KDM4B: variants seen among roughly 807,000 people sequenced by gnomAD.
The protein encoded by KDM4B is lysine-specific demethylase 4B.
A neutral mutation model predicts 125.2 loss-of-function variants in KDM4B; 32 were observed. That is an observed-to-expected ratio of 0.26 (90% confidence interval 0.19 to 0.34). The LOEUF is 0.34. Among genes scored for constraint, KDM4B ranks in the 10% least tolerant of loss-of-function variants. The pLI is 1.00. For missense variants in KDM4B, 1,190 were observed against 1,577.7 expected (o/e 0.75, Z 4.16); for synonymous variants, 721 against 677.9 (o/e 1.06, Z -0.99).
In KDM4B at chr19:5,142,325, G is replaced by A. The variant is rs762805272; in HGVS notation, c.2551-1642G>A. Among the ~76,000 whole-genome samples the A allele has an allele frequency of 3.0e-4, 46 of 152,286 alleles. No homozygotes were observed. Among genetic ancestry groups the A allele is most frequent in the Middle Eastern group, 3.4e-3 (1 of 294 alleles). On this transcript the variant is annotated intron_variant, in intron 18 of 22. Coordinates refer to ENST00000159111, the MANE Select transcript of KDM4B (RefSeq NM_015015.3). The surrounding 1 kb of genome is among the most constrained non-coding windows in gnomAD (Gnocchi z 5.4). ...GCGGCTCCCAGGAAGGGAGGTGACG[G>A]CCAAGAACGCCTGCCCGACCTCCTG...
At chr19:4,988,361 C>T (rs570074524) in intron 1 of KDM4B, among the ~76,000 whole-genome samples, 4 of 152,164 alleles carry the variant, frequency 2.6e-5, no homozygotes, top group South Asian at 2.1e-4. Context: ...CTGCAAGCTC[C>T]GCCTCCTGGG....
In KDM4B at chr19:5,131,877, T is replaced by C. The variant is rs746087953; in HGVS notation, c.1786-10T>C. 1.2e-6 allele frequency: 2 copies of C among 1,612,682 alleles called. No homozygotes were observed. Among genetic ancestry groups the C allele is most frequent in the South Asian group, 2.2e-5 (2 of 91,078 alleles). ...GCGGGGCCCTCACTACAGCCTGTTG[T>C]GTGTTTCAGGCACCGTCCACATTTT... On this transcript the variant is annotated splice_polypyrimidine_tract_variant and intron_variant, in intron 12 of 22. Transcript: ENST00000159111.
intron 2 of KDM4B, among the ~76,000 whole-genome samples, chr19:5,024,653 A>T (rs2036224180): frequency 6.6e-6 from 1 of 152,134 alleles, no homozygotes; most frequent in Non-Finnish European, 1.5e-5. Context: ...TGCCCTAAAA[A>T]AAAAAAAGGC....
At chr19:5,006,704 C>T (rs1192026397) in intron 1 of KDM4B, among the ~76,000 whole-genome samples, 3 of 151,358 alleles carry the variant, frequency 2.0e-5, no homozygotes, top group Non-Finnish European at 4.4e-5. Flanking sequence ...ACCTGGGAAG[C>T]GGAGGCTGCA....
intron 7 of KDM4B, 27 bp downstream of exon 7, chr19:5,071,086 G>T: frequency 1.2e-6 from 2 of 1,608,810 alleles, no homozygotes; most frequent in South Asian, 1.1e-5. Flanking sequence ...AGGGCCCCAG[G>T]GACCTGGGAC....
chr19:5,066,603 CAT>C (rs777114817), intron 6 of KDM4B, among the ~76,000 whole-genome samples: 28 of 152,250 alleles, frequency 1.8e-4, no homozygotes, highest in Non-Finnish European at 1.2e-4. Context: ...TTGGCTTGCA[CAT>C]GACTGACTTT....
At chr19:5,092,672 C>T (rs1042502430) in intron 9 of KDM4B, among the ~76,000 whole-genome samples, 10 of 152,096 alleles carry the variant, frequency 6.6e-5, no homozygotes, top group East Asian at 3.9e-4. Flanking sequence ...GGTCTGCTTA[C>T]GGGGTCAGGC....
chr19:4,996,022 G>A (rs1312390251), intron 1 of KDM4B, among the ~76,000 whole-genome samples: 1 of 151,922 alleles, frequency 6.6e-6, no homozygotes, highest in African/African-American at 2.4e-5. Context: ...ACAGTGTCTC[G>A]CTCTGTCGCC....
At chr19:5,103,658 C>G (rs1358243089) in intron 9 of KDM4B, among the ~76,000 whole-genome samples, 2 of 152,202 alleles carry the variant, frequency 1.3e-5, no homozygotes, top group Non-Finnish European at 2.9e-5. Context: ...AGCAGCTGGT[C>G]GAGCCTCCTG....
chr19:5,006,299 G>A (rs2035557524), intron 1 of KDM4B, among the ~76,000 whole-genome samples: 1 of 152,004 alleles, frequency 6.6e-6, no homozygotes, highest in South Asian at 2.1e-4. Context: ...GGCTTGTGGG[G>A]GCTTCACTTC....
intron 2 of KDM4B, among the ~76,000 whole-genome samples, chr19:5,026,520 ACGTTGT>A (rs1238714169): frequency 6.6e-6 from 1 of 151,984 alleles, no homozygotes; most frequent in African/African-American, 2.4e-5. Flanking sequence ...CCCCTCTGTG[ACGTTGT>A]TAATTAGTAG....
chr19:5,112,984 T>C (rs2039180076), intron 10 of KDM4B: 1 of 152,272 alleles, frequency 6.6e-6, no homozygotes, highest in South Asian at 2.1e-4. Context: ...GGATTGCCAA[T>C]AAACCGGCAC....
At position 5,131,323 on chromosome 19, in the gene KDM4B, G is replaced by A; in HGVS notation, c.1563G>A (p.Lys521=). 1.2e-6 allele frequency: 2 copies of A among 1,612,276 alleles called. No individual in the cohort carries two copies. Among genetic ancestry groups the A allele is most frequent in the Middle Eastern group, 1.6e-4 (1 of 6,062 alleles). The change falls in exon 12 of 23, where the codon AAG becomes AAA. Residue 521 remains lysine, a synonymous_variant. Transcript: ENST00000159111. The part of the protein sequence containing the change: ...PEVPSEELEA[K]PRPIIPMLYV... ...TGCCCAGTGAGGAGCTAGAGGCCAA[G>A]CCTCGGCCCATCATCCCCATGCTGT... is the stretch of plus-strand genomic sequence containing the variant.
chr19:5,057,913 A>T (rs956312706), intron 6 of KDM4B, among the ~76,000 whole-genome samples: 3 of 152,236 alleles, frequency 2.0e-5, no homozygotes, highest in African/African-American at 7.2e-5. Flanking sequence ...TGATGCAGGG[A>T]TGCGGGGACC....
chr19:5,143,691 G>A (rs573301503), intron 18 of KDM4B, among the ~76,000 whole-genome samples: 11 of 152,096 alleles, frequency 7.2e-5, no homozygotes, highest in South Asian at 4.1e-4. Context: ...AGGACTCCCC[G>A]GGGGCTGATC....
At chr19:5,050,445 C>CG (rs565008149) in intron 6 of KDM4B, among the ~76,000 whole-genome samples, 129 of 152,318 alleles carry the variant, frequency 8.5e-4, no homozygotes, top group Non-Finnish European at 1.0e-3. Context: ...TCACCCAGGC[C>CG]GGGGGGGCCG....
chr19:5,094,374 G>A (rs1001129138), intron 9 of KDM4B, among the ~76,000 whole-genome samples: 9 of 152,222 alleles, frequency 5.9e-5, no homozygotes, highest in Non-Finnish European at 1.0e-4. Context: ...GAGGCCAAAC[G>A]TCAGAGGTCG....
chr19:4,977,527 C>T (rs777317545), intron 1 of KDM4B, among the ~76,000 whole-genome samples: 5 of 152,222 alleles, frequency 3.3e-5, no homozygotes, highest in African/African-American at 4.8e-5. Context: ...TGGCACCTTC[C>T]GAGCCGCCGG....
intron 2 of KDM4B, among the ~76,000 whole-genome samples, chr19:5,022,178 C>T (rs1017596079): frequency 5.9e-5 from 9 of 152,194 alleles, no homozygotes; most frequent in African/African-American, 2.2e-4. Flanking sequence ...GTGGCTCATT[C>T]ATTCAGCACA....
Sources: allele counts gnomAD v4.1 joint callset (sites outside exome capture counted in the v4.1 genomes callset), GRCh38; gene constraint gnomAD v4.1.1; non-coding constraint Gnocchi (gnomAD v3.1); transcripts MANE v1.5; gene names NCBI Gene and HGNC (gene_info 2026-07-23, HGNC 2026-07-21).